ZC3H12C: variants seen among roughly 807,000 people sequenced by gnomAD.
ZC3H12C encodes the protein probable ribonuclease ZC3H12C.
A neutral mutation model predicts 76.3 loss-of-function variants in ZC3H12C; 20 were observed. The observed-to-expected ratio is 0.26, with a 90% CI of 0.18 to 0.38. The LOEUF is 0.38. Among genes scored for constraint, ZC3H12C ranks in the 10% least tolerant of loss-of-function variants. ZC3H12C has a pLI of 1.00. For synonymous variants in ZC3H12C, 352 were observed against 399.6 expected (o/e 0.88, Z 1.42); for missense variants, 874 against 1,086.5 (o/e 0.80, Z 2.75).
At chr11:110,139,737 C>T (rs930606596) in intron 2 of ZC3H12C, among the ~76,000 whole-genome samples, 1 of 152,124 alleles carries the variant, frequency 6.6e-6, no homozygotes, top group Non-Finnish European at 1.5e-5. Context: ...CTGAGGAATA[C>T]CTACAACCAT....
At position 110,164,742 on chromosome 11, in the gene ZC3H12C, C is replaced by G; in HGVS notation, c.1657C>G (p.Gln553Glu). Reference protein sequence around the residue: ...PSGVHFPPQDQRPQGQYPSMM... With the variant: ...PSGVHFPPQDERPQGQYPSMM... The stretch of plus-strand genomic sequence containing the variant: ...TGGAGTTCATTTCCCACCTCAGGAT[C>G]AAAGACCACAGGGACAATATCCTTC... The change falls in exon 6 of 6, where the codon CAA (glutamine) becomes GAA (glutamate). Residue 553 changes from glutamine (Q) to glutamate (E), a missense_variant. Physicochemically the swap from Gln to Glu is conservative, Grantham distance 29. Around this residue, in one of 3 missense-constraint regions of ZC3H12C, gnomAD observed 395 missense variants for 434.4 expected, o/e 0.91. Coordinates refer to ENST00000278590, the MANE Select transcript of ZC3H12C (RefSeq NM_033390.2). The surrounding 1 kb of genome is among the most constrained non-coding windows in gnomAD (Gnocchi z 5.7). 3 of 1,614,014 alleles carry G rather than the reference C, an allele frequency of 1.9e-6. No individual in the cohort carries two copies. The highest frequency in any genetic ancestry group is 1.7e-6 in the Non-Finnish European group (2 of 1,179,898).
intron 2 of ZC3H12C, among the ~76,000 whole-genome samples, chr11:110,149,179 C>G (rs942610174): frequency 6.6e-6 from 1 of 152,148 alleles, no homozygotes; most frequent in Admixed American, 6.5e-5. Flanking sequence ...AGCAGCGATT[C>G]TAGAGATTTC....
At chr11:110,093,580 C>T (rs1861051357) in intron 1 of ZC3H12C, 148 bp downstream of exon 1, 1 of 525,580 alleles carries the variant, frequency 1.9e-6, no homozygotes, top group African/African-American at 2.1e-5. Flanking sequence ...ATCTCCAGGC[C>T]CAGGCGGGTC....
At position 110,158,942 on chromosome 11, in the gene ZC3H12C, A is replaced by G. The variant is rs541374514; in HGVS notation, c.914-314A>G. Among the ~76,000 whole-genome samples the G allele has an allele frequency of 8.5e-5, 13 of 152,364 alleles. No homozygotes were observed. The South Asian group carries it at 2.7e-3, about 32-fold the overall frequency. The stretch of plus-strand genomic sequence containing the variant: ...GGAACGTGGAAGAAGCTGTGTCCAT[A>G]GTGGTCGTGTGATGACTCCAGCTCT... On this transcript the variant is annotated intron_variant, in intron 3 of 5. Coordinates refer to ENST00000278590, the MANE Select transcript of ZC3H12C (RefSeq NM_033390.2).
chr11:110,103,032 G>A (rs973478166), intron 1 of ZC3H12C, among the ~76,000 whole-genome samples: 2 of 152,126 alleles, frequency 1.3e-5, no homozygotes, highest in African/African-American at 2.4e-5. Context: ...TGCATCACTT[G>A]CCCTATTGTG....
chr11:110,108,892 T>G (rs529404901), intron 1 of ZC3H12C, among the ~76,000 whole-genome samples: 2 of 152,248 alleles, frequency 1.3e-5, no homozygotes, highest in Non-Finnish European at 2.9e-5. Context: ...TTCCTTCATC[T>G]TCCACACTGA....
intron 1 of ZC3H12C, among the ~76,000 whole-genome samples, chr11:110,113,763 A>G (rs1394685943): frequency 6.6e-6 from 1 of 151,984 alleles, no homozygotes; most frequent in African/African-American, 2.4e-5. Flanking sequence ...TCAAATCCTG[A>G]CTCAACTCAT....
In ZC3H12C at chr11:110,136,904, G is replaced by T. The variant is rs779443852; in HGVS notation, c.263G>T (p.Gly88Val). The stretch of plus-strand genomic sequence containing the variant: ...GCGTCTGAAGAGAATGCAAGCTCTG[G>T]TGACTCTGAAGAAAACACAAATTCT... ...KEASEENASS[G>V]DSEENTNSDH... Residue 88 changes from glycine to valine, a missense_variant, in exon 2 of 6, where the codon GGT becomes GTT. Around this residue, in one of 3 missense-constraint regions of ZC3H12C, gnomAD observed 210 missense variants for 227.1 expected, o/e 0.92. Coordinates refer to ENST00000278590, the MANE Select transcript of ZC3H12C (RefSeq NM_033390.2). 1 of 1,613,746 alleles carries T rather than the reference G, an allele frequency of 6.2e-7. No homozygotes were observed. The highest frequency in any genetic ancestry group is 8.5e-7 in the Non-Finnish European group (1 of 1,179,804).
chr11:110,102,584 A>T (rs1022830689), intron 1 of ZC3H12C, among the ~76,000 whole-genome samples: 1 of 152,158 alleles, frequency 6.6e-6, no homozygotes, highest in African/African-American at 2.4e-5. Flanking sequence ...ATGACAACAA[A>T]GAGGATTTCA....
intron 4 of ZC3H12C, among the ~76,000 whole-genome samples, chr11:110,160,903 C>T (rs1404583097): frequency 6.6e-6 from 1 of 152,108 alleles, no homozygotes; most frequent in Non-Finnish European, 1.5e-5. Flanking sequence ...GTGGTGCCAC[C>T]TCAGCTCACT....
chr11:110,108,957 G>T (rs1458834658), intron 1 of ZC3H12C, among the ~76,000 whole-genome samples: 2 of 152,186 alleles, frequency 1.3e-5, no homozygotes, highest in African/African-American at 4.8e-5. Context: ...TAACAAAGTT[G>T]TTCAATATTA....
Position 110,123,887 on chromosome 11 carries a change from AG to A in ZC3H12C, c.22-12774del, listed in dbSNP as rs1861692715. 2.6e-5 allele frequency among the ~76,000 whole-genome samples: 4 copies of A among 152,322 alleles called. No individual in the cohort carries two copies. The South Asian group carries it at 8.3e-4, about 32-fold the overall frequency. On this transcript the variant is annotated intron_variant, in intron 1 of 5. Transcript: ENST00000278590. ...TCCATCCATAGAACTATTGGAGAGAAGGTGATTTAAGAGAACAGCATAAAGA... is the reference window on the plus strand; with the variant it reads ...TCCATCCATAGAACTATTGGAGAGAAGTGATTTAAGAGAACAGCATAAAGA...
intron 1 of ZC3H12C, among the ~76,000 whole-genome samples, chr11:110,125,859 T>G (rs1204078160): frequency 6.6e-6 from 1 of 152,068 alleles, no homozygotes; most frequent in Admixed American, 6.5e-5. Context: ...AATTTGAACC[T>G]TGAATGGAGA....
chr11:110,107,029 A>C (rs1459208100), intron 1 of ZC3H12C, among the ~76,000 whole-genome samples: 1 of 152,220 alleles, frequency 6.6e-6, no homozygotes, highest in East Asian at 1.9e-4. Context: ...TCCTGCTTAT[A>C]TACACATGTT....
chr11:110,115,762 T>C (rs1861516418), intron 1 of ZC3H12C, among the ~76,000 whole-genome samples: 1 of 149,026 alleles, frequency 6.7e-6, no homozygotes, highest in African/African-American at 2.5e-5. Context: ...TTTTTTTTTT[T>C]TTTTTCTTTT....
At chr11:110,140,113 G>T (rs962174541) in intron 2 of ZC3H12C, among the ~76,000 whole-genome samples, 1 of 152,034 alleles carries the variant, frequency 6.6e-6, no homozygotes, top group Non-Finnish European at 1.5e-5. Flanking sequence ...ACCAGCCTGG[G>T]CAACATGGCA....
chr11:110,108,194 A>T (rs1025486791), intron 1 of ZC3H12C, among the ~76,000 whole-genome samples: 1 of 152,092 alleles, frequency 6.6e-6, no homozygotes, highest in Non-Finnish European at 1.5e-5. Flanking sequence ...GGGCTCAAGC[A>T]ATCCTCCTGC....
intron 1 of ZC3H12C, chr11:110,130,863 T>TACGAACCTG (rs1861851251): frequency 3.2e-6 from 2 of 617,868 alleles, no homozygotes; most frequent in South Asian, 2.0e-5. Context: ...CTTAGAAACC[T>TACGAACCTG]ACGAACCTGA....
chr11:110,169,861 A>G lies in ZC3H12C; in HGVS notation c.*4124A>G, dbSNP rs1351916331. ...TCATATGGACTTCAAATGCCATTGT[A>G]AAAACTACTCAGCTCTGCCTTTAGA... On this transcript the variant is annotated 3_prime_UTR_variant, in exon 6 of 6. Transcript: ENST00000278590. 1.3e-5 allele frequency: 2 copies of G among 152,202 alleles called. No individual in the cohort carries two copies. The highest frequency in any genetic ancestry group is 3.8e-4 in the East Asian group (2 of 5,204). 9.4% of individuals were successfully genotyped at this position (152,202 alleles called of 1,614,324 possible).
Sources: allele counts gnomAD v4.1 joint callset (sites outside exome capture counted in the v4.1 genomes callset), GRCh38; gene constraint gnomAD v4.1.1; regional missense constraint gnomAD v4.1.1; non-coding constraint Gnocchi (gnomAD v3.1); transcripts MANE v1.5; gene names NCBI Gene and HGNC (gene_info 2026-07-23, HGNC 2026-07-21).